IL6ST: variants seen among roughly 807,000 people sequenced by gnomAD.
IL6ST encodes interleukin-6 receptor subunit beta.
A neutral mutation model predicts 91.3 loss-of-function variants in IL6ST; 24 were observed. The ratio of observed to expected loss-of-function variants is 0.26; its 90% CI spans 0.19 to 0.37. IL6ST has a LOEUF of 0.37. Ranked by LOEUF, IL6ST falls within the 10% of genes least tolerant of loss-of-function variation. IL6ST has a pLI of 1.00. For synonymous variants in IL6ST, 351 were observed against 373.6 expected, an observed-to-expected ratio of 0.94 and a Z score of 0.70; for missense variants, 914 against 1,078.5, an observed-to-expected ratio of 0.85 and a Z score of 2.14.
Position 55,974,951 on chromosome 5 carries a change from A to G in IL6ST, c.64+1264T>C, listed in dbSNP as rs532813527. Reference sequence around the variant, plus strand: ...GTATTATTCATACACACACACACACACACATACACACACACACACACACAC... The same window carrying G: ...GTATTATTCATACACACACACACACGCACATACACACACACACACACACAC... On this transcript the variant is annotated intron_variant, in intron 3 of 16. Transcript: ENST00000381298. 3.8e-4 allele frequency among the ~76,000 whole-genome samples: 57 copies of G among 148,200 alleles called. 1 individual carries two copies. The highest frequency in any genetic ancestry group is 1.4e-3 in the African/African-American group (56 of 38,694).
chr5:55,952,426 C>CATT (rs917659173), intron 11 of IL6ST, 75 bp from the exon 12 acceptor site: 17 of 803,594 alleles, frequency 2.1e-5, no homozygotes, highest in Non-Finnish European at 3.2e-5. Flanking sequence ...TTTATTTTTA[C>CATT]ATTATAATTT....
chr5:55,946,896 T>A (rs1256602063), intron 15 of IL6ST, among the ~76,000 whole-genome samples: 1 of 151,878 alleles, frequency 6.6e-6, no homozygotes, highest in Non-Finnish European at 1.5e-5. Context: ...CGCAAAAGAC[T>A]ACACGCTATG....
chr5:55,968,197 T>C, intron 5 of IL6ST, 79 bp downstream of exon 5: 1 of 1,176,460 alleles, frequency 8.5e-7, no homozygotes, highest in South Asian at 1.4e-5. Context: ...TTTAATATTA[T>C]TACTTGGTAA....
At chr5:55,967,629 GACGC>G (rs970460923) in intron 5 of IL6ST, among the ~76,000 whole-genome samples, 5 of 151,796 alleles carry the variant, frequency 3.3e-5, no homozygotes, top group Non-Finnish European at 7.4e-5. Context: ...ATCTTTTAGA[GACGC>G]ATACTGAAAT....
rs113243265 is a variant in IL6ST at position 55,994,934 on chromosome 5, T to A, written c.-254A>T. 1.3e-5 allele frequency: 2 copies of A among 152,072 alleles called. No homozygotes were observed. Among genetic ancestry groups the A allele is most frequent in the Non-Finnish European group, 2.9e-5 (2 of 68,068 alleles). The allele number at this position is 152,072 out of a possible 1,614,324, so 9.4% of individuals were successfully genotyped here. ...GCGACTCCGCGGGCCTTTTGGCTGC[T>A]CGCCCCGGCTCCGGAACACTGTCAG... On this transcript the variant is annotated 5_prime_UTR_variant, in exon 1 of 17. Coordinates refer to ENST00000381298, the MANE Select transcript of IL6ST (RefSeq NM_002184.4).
intron 5 of IL6ST, among the ~76,000 whole-genome samples, chr5:55,967,050 G>A (rs561047639): frequency 4.0e-5 from 6 of 151,560 alleles, no homozygotes; most frequent in East Asian, 3.9e-4. Context: ...CGGTGGCCAC[G>A]TCTATCATCT....
chr5:55,977,851 C>T (rs575638128), intron 2 of IL6ST, among the ~76,000 whole-genome samples: 7 of 151,874 alleles, frequency 4.6e-5, no homozygotes, highest in East Asian at 1.9e-4. Flanking sequence ...CACACACACA[C>T]GCCAGGTGTG....
intron 16 of IL6ST, 92 bp downstream of exon 16, chr5:55,942,578 T>TC (rs1561152986): frequency 6.4e-6 from 4 of 621,166 alleles, no homozygotes; most frequent in Non-Finnish European, 1.2e-5. Context: ...GGTACATTTG[T>TC]AGATACTCAA....
chr5:55,987,012 A>G (rs916538291), intron 1 of IL6ST, among the ~76,000 whole-genome samples: 2 of 152,178 alleles, frequency 1.3e-5, no homozygotes, highest in African/African-American at 2.4e-5. Flanking sequence ...CAAAAAATAA[A>G]AAGTTAGACA....
chr5:55,991,151 T>G (rs1754307470), intron 1 of IL6ST, among the ~76,000 whole-genome samples: 2 of 152,252 alleles, frequency 1.3e-5, no homozygotes, highest in African/African-American at 4.8e-5. Flanking sequence ...GATGGACATT[T>G]GAATTGGTTC....
At chr5:55,950,535 CAAAAAAAAAAAA>C (rs70995750) in intron 14 of IL6ST, among the ~76,000 whole-genome samples, 11 of 29,364 alleles carry the variant, frequency 3.7e-4, no homozygotes, top group Admixed American at 1.5e-3. Flanking sequence ...GACTCTGTCT[CAAAAAAAAAAAA>C]AAAAAAAAAA....
chr5:55,961,000 G>A (rs1434529310), intron 7 of IL6ST, among the ~76,000 whole-genome samples: 2 of 151,906 alleles, frequency 1.3e-5, no homozygotes, highest in South Asian at 2.1e-4. Context: ...GTGCAATGGC[G>A]CGATCTCAGC....
In IL6ST at chr5:55,939,641, G is replaced by A. The variant is rs1261026479; in HGVS notation, c.*1441C>T. ...ATAGCAGTAGTCAATCACTAATAAC[G>A]CTTGCTAATTTCCTCTTACTTTCTA... On this transcript the variant is annotated 3_prime_UTR_variant, in exon 17 of 17. Coordinates refer to ENST00000381298, the MANE Select transcript of IL6ST (RefSeq NM_002184.4). 9.8e-6 allele frequency: 2 copies of A among 204,814 alleles called. No homozygotes were observed. The highest frequency in any genetic ancestry group is 2.0e-5 in the Non-Finnish European group (2 of 99,992). 12.7% of individuals were successfully genotyped at this position (204,814 alleles called of 1,614,324 possible). A position where few individuals can be genotyped will look rare whatever the true frequency, so the allele number is the denominator to read the frequency against.
At chr5:55,944,466 T>G (rs1016646949) in intron 15 of IL6ST, among the ~76,000 whole-genome samples, 2 of 152,178 alleles carry the variant, frequency 1.3e-5, no homozygotes, top group African/African-American at 4.8e-5. Context: ...CAAAAAATAC[T>G]TTTGTCATGA....
intron 2 of IL6ST, among the ~76,000 whole-genome samples, chr5:55,980,573 T>G (rs1479207480): frequency 6.6e-6 from 1 of 151,932 alleles, no homozygotes; most frequent in African/African-American, 2.4e-5. Context: ...AATAAATAAA[T>G]ACTTAAGGTT....
At chr5:55,951,826 G>C in intron 13 of IL6ST, 103 bp downstream of exon 13, 4 of 803,870 alleles carry the variant, frequency 5.0e-6, no homozygotes, top group Non-Finnish European at 5.8e-6. Context: ...TGTCTCCTGA[G>C]GCCAATATAC....
Position 55,964,136 on chromosome 5 carries a change from T to C in IL6ST, c.658+10A>G. On this transcript the variant is annotated intron_variant, in intron 6 of 16. Transcript: ENST00000381298. ...GTCAAATAAACTCTCAAATTCAGGT[T>C]TATAACTACCTTTATATACAGGATC... 1 of 1,505,654 alleles carries C rather than the reference T, an allele frequency of 6.6e-7. No individual in the cohort carries two copies. Among genetic ancestry groups the C allele is most frequent in the Non-Finnish European group, 9.0e-7 (1 of 1,109,352 alleles). 93.3% of individuals were successfully genotyped at this position (1,505,654 alleles called of 1,614,324 possible).
At chr5:55,973,308 G>A (rs904801738) in intron 3 of IL6ST, among the ~76,000 whole-genome samples, 27 of 152,122 alleles carry the variant, frequency 1.8e-4, no homozygotes, top group Admixed American at 1.8e-3. Flanking sequence ...TCATGAAGAG[G>A]TGGGGACTGC....
chr5:55,979,596 A>G (rs553126197), intron 2 of IL6ST, among the ~76,000 whole-genome samples: 2 of 152,366 alleles, frequency 1.3e-5, no homozygotes, highest in African/African-American at 4.8e-5. Context: ...GTCACACACT[A>G]CAGGTTATAG....
Sources: allele counts gnomAD v4.1 joint callset (sites outside exome capture counted in the v4.1 genomes callset), GRCh38; gene constraint gnomAD v4.1.1; transcripts MANE v1.5; gene names NCBI Gene and HGNC (gene_info 2026-07-23, HGNC 2026-07-21).